WWOX: variants seen among roughly 807,000 people sequenced by gnomAD.
WWOX encodes WW domain-containing oxidoreductase.
In WWOX, 69 loss-of-function variants were observed where a neutral mutation model predicts 46.2. That is an observed-to-expected ratio of 1.49 (90% CI 1.23 to 1.82). The LOEUF is 1.82. Among genes scored for constraint, WWOX ranks in the 40% most tolerant of loss-of-function variants. WWOX has a pLI of 0.00. For synonymous variants in WWOX, 359 were observed against 202.6 expected, an observed-to-expected ratio of 1.77 and a Z score of -6.56; for missense variants, 919 against 542.6, an observed-to-expected ratio of 1.69 and a Z score of -6.89.
intron 8 of WWOX, among the ~76,000 whole-genome samples, chr16:78,920,211 G>A (rs1441161707): frequency 6.6e-6 from 1 of 152,194 alleles, no homozygotes; most frequent in Non-Finnish European, 1.5e-5. Flanking sequence ...CCAGGGGAAA[G>A]AGAAAAGACA....
rs545214287 is a variant in WWOX, at chr16:78,287,952, C to T, written c.517-98908C>T. 4.1e-4 allele frequency among the ~76,000 whole-genome samples: 63 copies of T among 152,256 alleles called. 1 individual carries two copies. The South Asian group carries it at 0.011, about 27-fold the overall frequency. ...ACTCTCTCTTTCCCTTTTATCAGGTCGCTCAAAACAGATTTTTAGAGTGAA... is the reference window on the plus strand; with the variant it reads ...ACTCTCTCTTTCCCTTTTATCAGGTTGCTCAAAACAGATTTTTAGAGTGAA... On this transcript the variant is annotated intron_variant, in intron 5 of 8. Coordinates refer to ENST00000566780, the MANE Select transcript of WWOX (RefSeq NM_016373.4).
intron 8 of WWOX, among the ~76,000 whole-genome samples, chr16:78,770,717 A>C (rs1254511547): frequency 4.8e-5 from 6 of 125,284 alleles, no homozygotes; most frequent in Admixed American, 2.0e-4. Context: ...GGAGCTTCGC[A>C]CCAGAACCCG....
intron 8 of WWOX, among the ~76,000 whole-genome samples, chr16:78,861,778 G>A (rs1330189964): frequency 6.6e-6 from 1 of 152,258 alleles, no homozygotes; most frequent in Admixed American, 6.5e-5. Context: ...TGGTTGAATA[G>A]TTTCTGTCTT....
At chr16:78,523,084 T>C (rs1388865438) in intron 8 of WWOX, among the ~76,000 whole-genome samples, 1 of 151,914 alleles carries the variant, frequency 6.6e-6, no homozygotes, top group African/African-American at 2.4e-5. Flanking sequence ...AAAAAATAAA[T>C]AAATAAAAAT....
At chr16:79,052,119 A>G (rs1248628684) in intron 8 of WWOX, among the ~76,000 whole-genome samples, 18 of 151,510 alleles carry the variant, frequency 1.2e-4, no homozygotes, top group Admixed American at 1.1e-3. Context: ...TACATGTGCC[A>G]TGCTGGTGCG....
Position 78,810,617 on chromosome 16 carries a change from C to T in WWOX, c.1056+377865C>T, listed in dbSNP as rs116254246. 6.1e-3 allele frequency among the ~76,000 whole-genome samples: 934 copies of T among 152,300 alleles called. 6 individuals are homozygous for T. Among genetic ancestry groups the T allele is most frequent in the African/African-American group, 0.021 (892 of 41,568 alleles). ...ATTCTGCAGTGCTGGAGTATTTTAC[C>T]TCCCATTATTTCTTCCGCTGAACAG... On this transcript the variant is annotated intron_variant, in intron 8 of 8. Transcript: ENST00000566780.
intron 8 of WWOX, among the ~76,000 whole-genome samples, chr16:79,176,716 G>A (rs979827990): frequency 6.6e-5 from 10 of 152,108 alleles, no homozygotes; most frequent in Admixed American, 3.9e-4. Flanking sequence ...ACAAAACACC[G>A]AGGGCTTTAA....
At chr16:78,120,982 G>GT (rs550331636) in intron 4 of WWOX, among the ~76,000 whole-genome samples, 127 of 146,074 alleles carry the variant, frequency 8.7e-4, no homozygotes, top group East Asian at 1.6e-3. Flanking sequence ...GTCATTGATG[G>GT]TTTTTTTTTT....
At chr16:78,838,709 A>G (rs1461256055) in intron 8 of WWOX, among the ~76,000 whole-genome samples, 1 of 152,012 alleles carries the variant, frequency 6.6e-6, no homozygotes, top group Non-Finnish European at 1.5e-5. Context: ...CGGGCGTGGT[A>G]GCACACACCT....
At chr16:78,355,816 TCC>T (rs1360395264) in intron 5 of WWOX, 1 of 705,938 alleles carries the variant, frequency 1.4e-6, no homozygotes, top group Non-Finnish European at 2.5e-6. Flanking sequence ...TGGTTGCCCC[TCC>T]ACTGAGAGTT....
intron 8 of WWOX, among the ~76,000 whole-genome samples, chr16:78,818,940 A>T (rs2051418324): frequency 6.6e-6 from 1 of 152,168 alleles, no homozygotes; most frequent in African/African-American, 2.4e-5. Flanking sequence ...TTGCACCCTG[A>T]TTTCTGAGTT....
At chr16:78,532,422 A>G (rs902564468) in intron 8 of WWOX, among the ~76,000 whole-genome samples, 2 of 152,080 alleles carry the variant, frequency 1.3e-5, no homozygotes, top group African/African-American at 2.4e-5. Context: ...GTTCCTGCCT[A>G]GGCTCTCCCC....
chr16:79,088,782 C>T (rs574426236), intron 8 of WWOX, among the ~76,000 whole-genome samples: 7 of 152,278 alleles, frequency 4.6e-5, no homozygotes, highest in African/African-American at 1.7e-4. Flanking sequence ...TTTAGATATA[C>T]TGCAGATATT....
chr16:78,254,516 T>TTTTTTTTTTTTTTTG (rs1436220393), intron 5 of WWOX, among the ~76,000 whole-genome samples: 2 of 139,160 alleles, frequency 1.4e-5, no homozygotes, highest in Admixed American at 7.1e-5. Flanking sequence ...TTTTTTTTTT[T>TTTTTTTTTTTTTTTG]TTTGTTTGAC....
At chr16:78,635,709 A>G (rs1240579475) in intron 8 of WWOX, among the ~76,000 whole-genome samples, 2 of 152,136 alleles carry the variant, frequency 1.3e-5, no homozygotes, top group Admixed American at 6.5e-5. Flanking sequence ...TGTCAACATC[A>G]TCTCCGTCCA....
chr16:78,858,993 T>G (rs1423664509), intron 8 of WWOX, among the ~76,000 whole-genome samples: 4 of 66,662 alleles, frequency 6.0e-5, no homozygotes, highest in African/African-American at 5.8e-5. Flanking sequence ...TCTACTAGTT[T>G]TGAAATTTAA....
chr16:79,089,300 ATTAG>A (rs2048909907), intron 8 of WWOX, among the ~76,000 whole-genome samples: 2 of 151,118 alleles, frequency 1.3e-5, no homozygotes, highest in Non-Finnish European at 2.9e-5. Flanking sequence ...TTGATTATAA[ATTAG>A]CGTCATCATG....
intron 5 of WWOX, among the ~76,000 whole-genome samples, chr16:78,236,139 A>G (rs1051368490): frequency 6.6e-6 from 1 of 152,224 alleles, no homozygotes; most frequent in African/African-American, 2.4e-5. Context: ...TGGTGTTCAG[A>G]TCACAGACTT....
intron 8 of WWOX, among the ~76,000 whole-genome samples, chr16:78,963,665 A>G (rs1396172741): frequency 1.3e-5 from 2 of 152,210 alleles, no homozygotes; most frequent in South Asian, 2.1e-4. Flanking sequence ...AAGAGCCAAC[A>G]TGCATTGAGT....
Sources: allele counts gnomAD v4.1 joint callset (sites outside exome capture counted in the v4.1 genomes callset), GRCh38; gene constraint gnomAD v4.1.1; transcripts MANE v1.5; gene names NCBI Gene and HGNC (gene_info 2026-07-23, HGNC 2026-07-21).